The following FAM180A variants were observed in gnomAD, a reference collection of about 807,000 sequenced individuals.
FAM180A encodes family with sequence similarity 180 member A.
In FAM180A, 14 loss-of-function variants were observed where a neutral mutation model predicts 15.3. That is an observed-to-expected ratio of 0.92 (90% CI 0.61 to 1.43). The LOEUF is 1.43. Among genes scored for constraint, FAM180A ranks in the 40% most tolerant of loss-of-function variants. The probability of loss-of-function intolerance (pLI) is 0.00; values close to 1 mark genes in which losing one functional copy is unlikely to be tolerated. For missense variants in FAM180A, 200 were observed against 220.8 expected, an observed-to-expected ratio of 0.91 and a Z score of 0.60; for synonymous variants, 90 against 96.8, an observed-to-expected ratio of 0.93 and a Z score of 0.41.
chr7:135,748,715 C>T lies in FAM180A; in HGVS notation c.-135G>A, dbSNP rs1797065998. On this transcript the variant is annotated 5_prime_UTR_variant, in exon 1 of 4. Coordinates refer to ENST00000338588, the MANE Select transcript of FAM180A (RefSeq NM_205855.4). Reference sequence around the variant, plus strand: ...TTCCTTTTGCAGACGTGCAGAAATGCCTACTCTGCCTCAGAAGGCTGGAGG... The same window carrying T: ...TTCCTTTTGCAGACGTGCAGAAATGTCTACTCTGCCTCAGAAGGCTGGAGG... 1 of 728,910 alleles carries T rather than the reference C, an allele frequency of 1.4e-6. No individual in the cohort carries two copies. Among genetic ancestry groups the T allele is most frequent in the Admixed American group, 2.1e-5 (1 of 48,184 alleles). 45.2% of individuals were successfully genotyped at this position (728,910 alleles called of 1,614,324 possible).
intron 1 of FAM180A, among the ~76,000 whole-genome samples, chr7:135,741,280 A>G (rs1796946119): frequency 6.6e-6 from 1 of 152,244 alleles, no homozygotes; most frequent in Non-Finnish European, 1.5e-5. Context: ...ATAGTAATAT[A>G]GTTTGATGGA....
chr7:135,737,781 A>G (rs1796893814), intron 1 of FAM180A, among the ~76,000 whole-genome samples: 1 of 152,116 alleles, frequency 6.6e-6, no homozygotes, highest in South Asian at 2.1e-4. Context: ...AAGAAAAAGA[A>G]AAAGAAAAAG....
intron 1 of FAM180A, among the ~76,000 whole-genome samples, chr7:135,747,238 A>C (rs1166270162): frequency 6.6e-6 from 1 of 152,212 alleles, no homozygotes; most frequent in Non-Finnish European, 1.5e-5. Flanking sequence ...GTATCAAAAC[A>C]TCTCATAGGC....
At chr7:135,747,656 G>GA (rs1156733945) in intron 1 of FAM180A, among the ~76,000 whole-genome samples, 3 of 152,092 alleles carry the variant, frequency 2.0e-5, no homozygotes, top group African/African-American at 7.2e-5. Flanking sequence ...TGCATCTCTA[G>GA]AAACACCTAC....
intron 2 of FAM180A, 95 bp downstream of exon 2, chr7:135,737,004 A>G: frequency 1.1e-6 from 1 of 948,946 alleles, no homozygotes; most frequent in Non-Finnish European, 1.7e-6. Flanking sequence ...ACTCATGGTC[A>G]GGGGCTGAGG....
At chr7:135,733,578 C>T in intron 3 of FAM180A, 68 bp downstream of exon 3, 3 of 886,798 alleles carry the variant, frequency 3.4e-6, no homozygotes, top group Non-Finnish European at 4.1e-6. Flanking sequence ...AACTCCTGAC[C>T]TCAAATAATC....
intron 1 of FAM180A, among the ~76,000 whole-genome samples, 159 bp from the exon 2 acceptor site, chr7:135,737,358 G>A (rs1036859878): frequency 2.6e-5 from 4 of 152,074 alleles, no homozygotes; most frequent in African/African-American, 4.8e-5. Context: ...AGGCCGAGGC[G>A]GGCGGATCAC....
At chr7:135,738,218 G>C (rs753775603) in intron 1 of FAM180A, among the ~76,000 whole-genome samples, 3 of 145,658 alleles carry the variant, frequency 2.1e-5, no homozygotes, top group African/African-American at 5.6e-5. Context: ...TTGAGATGGA[G>C]TCTTGCTCTG....
chr7:135,730,206 G>C lies in FAM180A; in HGVS notation c.*405C>G, dbSNP rs755456524. On this transcript the variant is annotated 3_prime_UTR_variant, in exon 4 of 4. Coordinates refer to ENST00000338588, the MANE Select transcript of FAM180A (RefSeq NM_205855.4). ...TTGATGTCTCTTGAGTGACATTGGA[G>C]ATAGCTGTGAGGATGCCAACGATGG... 1.6e-4 allele frequency: 155 copies of C among 985,398 alleles called. No individual in the cohort carries two copies. The highest frequency in any genetic ancestry group is 1.8e-4 in the Non-Finnish European group (149 of 829,926). 61.0% of individuals were successfully genotyped at this position (985,398 alleles called of 1,614,324 possible). A position where few individuals can be genotyped will look rare whatever the true frequency, so the allele number is the denominator to read the frequency against.
At chr7:135,735,277 T>C (rs1796855066) in intron 2 of FAM180A, among the ~76,000 whole-genome samples, 1 of 152,194 alleles carries the variant, frequency 6.6e-6, no homozygotes, top group East Asian at 1.9e-4. Flanking sequence ...TGGCAAACAA[T>C]ATATTTATTT....
chr7:135,741,315 G>A (rs1395296390), intron 1 of FAM180A, among the ~76,000 whole-genome samples: 1 of 152,176 alleles, frequency 6.6e-6, no homozygotes, highest in Admixed American at 6.5e-5. Context: ...TTCAGACAAT[G>A]GGAATGGCTA....
At chr7:135,739,032 G>A (rs1796908994) in intron 1 of FAM180A, among the ~76,000 whole-genome samples, 1 of 152,186 alleles carries the variant, frequency 6.6e-6, no homozygotes, top group South Asian at 2.1e-4. Context: ...AAGGCAGGCT[G>A]GGCGCTGTGG....
chr7:135,738,333 A>G (rs1046366537), intron 1 of FAM180A, among the ~76,000 whole-genome samples: 4 of 152,312 alleles, frequency 2.6e-5, no homozygotes, highest in African/African-American at 9.6e-5. Context: ...AGCTGGGATT[A>G]CAGATGTGTG....
At chr7:135,732,018 T>A (rs966689530) in intron 3 of FAM180A, among the ~76,000 whole-genome samples, 3 of 152,210 alleles carry the variant, frequency 2.0e-5, no homozygotes, top group Admixed American at 6.5e-5. Context: ...TAATGAGGAA[T>A]CCTTATTAGG....
intron 1 of FAM180A, among the ~76,000 whole-genome samples, chr7:135,744,551 G>T (rs1563181525): frequency 2.0e-5 from 3 of 152,214 alleles, no homozygotes; most frequent in African/African-American, 7.2e-5. Flanking sequence ...GTGCGTGGGG[G>T]TCCTCTGGGA....
In FAM180A at chr7:135,748,795, T is replaced by A. The variant is rs1188568808; in HGVS notation, c.-215A>T. On this transcript the variant is annotated 5_prime_UTR_variant, in exon 1 of 4. Transcript: ENST00000338588. ...GTCGGTACCTCTCTTCATTTGACGC[T>A]CTCTGGGATTGGGGAACTGGCCTTC... is the stretch of plus-strand genomic sequence containing the variant. 1 of 556,596 alleles carries A rather than the reference T, an allele frequency of 1.8e-6. No individual in the cohort carries two copies. Among genetic ancestry groups the A allele is most frequent in the Non-Finnish European group, 3.2e-6 (1 of 310,938 alleles). 34.5% of individuals were successfully genotyped at this position (556,596 alleles called of 1,614,324 possible). A position where few individuals can be genotyped will look rare whatever the true frequency, so the allele number is the denominator to read the frequency against.
intron 3 of FAM180A, among the ~76,000 whole-genome samples, chr7:135,731,408 G>A (rs1409369038): frequency 6.6e-6 from 1 of 151,962 alleles, no homozygotes; most frequent in East Asian, 1.9e-4. Context: ...CAGACAGTGA[G>A]TGTTAGAGTG....
At chr7:135,742,573 A>G (rs777488379) in intron 1 of FAM180A, among the ~76,000 whole-genome samples, 3 of 152,222 alleles carry the variant, frequency 2.0e-5, no homozygotes, top group African/African-American at 7.2e-5. Flanking sequence ...TCTAGGACAC[A>G]TGGGACCGAC....
Position 135,734,331 on chromosome 7 carries a change from T to A in FAM180A, c.178-12A>T, listed in dbSNP as rs1184083109. The A allele has an allele frequency of 1.3e-5, 20 of 1,571,616 alleles. No individual in the cohort carries two copies. Among genetic ancestry groups the A allele is most frequent in the Non-Finnish European group, 1.7e-5 (20 of 1,157,192 alleles). ...TCGGCCAGCAGGAACTGGTGAGAAA[T>A]GTGGATGTGCAAAAATATGAAGTGA... On this transcript the variant is annotated splice_polypyrimidine_tract_variant and intron_variant, in intron 2 of 3. Coordinates refer to ENST00000338588, the MANE Select transcript of FAM180A (RefSeq NM_205855.4).
Sources: allele counts gnomAD v4.1 joint callset (sites outside exome capture counted in the v4.1 genomes callset), GRCh38; gene constraint gnomAD v4.1.1; transcripts MANE v1.5; gene names NCBI Gene and HGNC (gene_info 2026-07-23, HGNC 2026-07-21).